Variants in GPI observed in about 807,000 individuals in gnomAD.
GPI encodes glucose-6-phosphate isomerase.
A neutral mutation model predicts 75.8 loss-of-function variants in GPI; 56 were observed. The observed-to-expected ratio is 0.74, with a 90% confidence interval of 0.60 to 0.92. The LOEUF is 0.92. Among genes scored for constraint, GPI ranks in the 40% least tolerant of loss-of-function variants. The pLI is 0.00. For missense variants in GPI, 638 were observed against 741.0 expected, an observed-to-expected ratio of 0.86 and a Z score of 1.61; for synonymous variants, 288 against 285.4, an observed-to-expected ratio of 1.01 and a Z score of -0.09.
At chr19:34,375,048 T>C (rs1224972812) in intron 4 of GPI, among the ~76,000 whole-genome samples, 1 of 152,114 alleles carries the variant, frequency 6.6e-6, no homozygotes, top group Non-Finnish European at 1.5e-5. Flanking sequence ...TAGGTTTTTA[T>C]TATGACCACA....
chr19:34,365,750 G>A (rs1291963680), intron 1 of GPI: 2 of 493,274 alleles, frequency 4.1e-6, no homozygotes, highest in Middle Eastern at 3.0e-4. Flanking sequence ...GGAAAGGGCT[G>A]TCCCTTTCCA....
At chr19:34,396,708 C>A in intron 14 of GPI, 51 bp downstream of exon 14, 1 of 1,450,030 alleles carries the variant, frequency 6.9e-7, no homozygotes, top group Admixed American at 1.7e-5. Context: ...ACATTGCACC[C>A]AGACCTCTGA....
chr19:34,366,053 G>A (rs201455684), intron 1 of GPI: 148 of 632,766 alleles, frequency 2.3e-4, no homozygotes, highest in Middle Eastern at 9.9e-4. Context: ...AGTAACTTAC[G>A]GCAGAAAGTG....
At position 34,368,591 on chromosome 19, in the gene GPI, C is replaced by T. The variant is rs758597177; in HGVS notation, c.291C>T (p.Ala97=). The T allele has an allele frequency of 2.5e-5, 40 of 1,614,054 alleles. No homozygotes were observed. Among genetic ancestry groups the T allele is most frequent in the Admixed American group, 3.3e-5 (2 of 59,990 alleles). ...CTGACCGTAATCCCCAGGGTCGAGC[C>T]GTGCTGCACGTGGCTCTGCGGAACC... is the stretch of plus-strand genomic sequence containing the variant. ...GEKINYTEGR[A]VLHVALRNRS... is the part of the protein sequence containing the mutation. The change falls in exon 4 of 18, where the codon GCC becomes GCT. Residue 97 remains alanine, a synonymous_variant. Transcript: ENST00000356487.
At chr19:34,385,360 C>CAAAAAAAA (rs58133757) in intron 9 of GPI, among the ~76,000 whole-genome samples, 23 of 95,110 alleles carry the variant, frequency 2.4e-4, no homozygotes, top group East Asian at 5.7e-4. Flanking sequence ...AAACAAAAAA[C>CAAAAAAAA]AAAAAAAAAA....
chr19:34,380,501 C>T (rs1197907198), intron 8 of GPI, among the ~76,000 whole-genome samples: 4 of 152,116 alleles, frequency 2.6e-5, no homozygotes, highest in Admixed American at 1.3e-4. Flanking sequence ...AGGCTGGTCT[C>T]GAATTCTTGA....
chr19:34,399,449 T>C, intron 15 of GPI, 107 bp from the exon 16 acceptor site: 3 of 1,562,502 alleles, frequency 1.9e-6, no homozygotes, highest in Non-Finnish European at 2.6e-6. Context: ...TGGGAGGGCC[T>C]GTCCTCACAG....
chr19:34,385,054 C>T (rs1023338113), intron 9 of GPI, among the ~76,000 whole-genome samples: 1 of 138,254 alleles, frequency 7.2e-6, no homozygotes, highest in Non-Finnish European at 1.6e-5. Flanking sequence ...AAAAAAAAAG[C>T]GGGGGTTGGG....
At chr19:34,383,444 G>A (rs753801854) in intron 9 of GPI, among the ~76,000 whole-genome samples, 5 of 152,178 alleles carry the variant, frequency 3.3e-5, no homozygotes, top group African/African-American at 1.2e-4. Context: ...AGGTGTGCAC[G>A]CTGGGATCTC....
At chr19:34,376,581 G>T (rs559091750) in intron 4 of GPI, among the ~76,000 whole-genome samples, 1 of 142,710 alleles carries the variant, frequency 7.0e-6, no homozygotes, top group Non-Finnish European at 1.5e-5. Context: ...AAAAAAAAAA[G>T]GCTAAAGCAG....
upstream of GPI, chr19:34,363,455 G>A (rs1295871116): frequency 6.6e-6 from 1 of 152,296 alleles, no homozygotes; most frequent in Non-Finnish European, 1.5e-5. Context: ...TGAAACAGAG[G>A]ATTTGGGGTG....
intron 15 of GPI, 45 bp from the exon 16 acceptor site, chr19:34,399,510 TA>T (rs1218354471): frequency 4.4e-6 from 7 of 1,590,970 alleles, no homozygotes; most frequent in Non-Finnish European, 6.0e-6. Flanking sequence ...TCAAGGGGTT[TA>T]GGGATCAGGA....
chr19:34,387,863 G>T (rs2074761148), intron 9 of GPI, among the ~76,000 whole-genome samples: 1 of 152,172 alleles, frequency 6.6e-6, no homozygotes, highest in Admixed American at 6.5e-5. Context: ...TAATGGTGAG[G>T]CTGGCCAGGC....
At chr19:34,381,171 A>G (rs1599832247) in intron 8 of GPI, 2 of 493,260 alleles carry the variant, frequency 4.1e-6, no homozygotes, top group Non-Finnish European at 3.7e-6. Flanking sequence ...GCTGTTGCAG[A>G]GCAGTGTGTG....
At chr19:34,367,831 T>C (rs1237001533) in intron 3 of GPI, among the ~76,000 whole-genome samples, 1 of 152,246 alleles carries the variant, frequency 6.6e-6, no homozygotes, top group South Asian at 2.1e-4. Flanking sequence ...CTGAGGACAC[T>C]GCCTAAAACG....
Position 34,393,937 on chromosome 19 carries a change from C to G in GPI, c.933C>G (p.Pro311=). Residue 311 remains proline (P), a synonymous_variant, in exon 12 of 18, where the codon CCC becomes CCG. Transcript: ENST00000356487. This position sits in a 1 kb window ranked among gnomAD's most constrained non-coding sequence, Gnocchi z 4.4. ...AGGACCAGCACTTCCGCACGACGCCCCTGGAGAAGAACGCCCCCGTCTTGC... is the reference window on the plus strand; with the variant it reads ...AGGACCAGCACTTCCGCACGACGCCGCTGGAGAAGAACGCCCCCGTCTTGC... ...HWMDQHFRTT[P]LEKNAPVLLA... 2 of 1,613,862 alleles carry G rather than the reference C, an allele frequency of 1.2e-6. No individual in the cohort carries two copies.
At chr19:34,365,499 C>T in intron 1 of GPI, 111 bp downstream of exon 1, 1 of 1,474,912 alleles carries the variant, frequency 6.8e-7, no homozygotes, top group Non-Finnish European at 9.1e-7. Context: ...AGTCCCCGAC[C>T]TCCAGGCCAC....
rs746636597 is a variant in GPI at position 34,374,356 on chromosome 19, A to T, written c.403-3147A>T. 2.0e-5 allele frequency among the ~76,000 whole-genome samples: 3 copies of T among 152,126 alleles called. No homozygotes were observed. The South Asian group carries it at 6.2e-4, about 32-fold the overall frequency. On this transcript the variant is annotated intron_variant, in intron 4 of 17. Transcript: ENST00000356487. ...GGTCATCATGGGAAGGGACTGCATC[A>T]GTGGGTTAATGCCAGGAGACAAGGA...
At position 34,366,476 on chromosome 19, in the gene GPI, AGTGGTGGGTGAG is replaced by A. The variant is rs763215357; in HGVS notation, c.213+42_213+53del. ...GGGAGGCATAACTGGTAACCGACAG[AGTGGTGGGTGAG>A]CTGGGCTCCTGGGAGTCCCCAGGAC... On this transcript the variant is annotated intron_variant, in intron 2 of 17. Coordinates refer to ENST00000356487, the MANE Select transcript of GPI (RefSeq NM_000175.5). The A allele has an allele frequency of 5.0e-6, 7 of 1,401,622 alleles. 1 individual carries two copies. Among genetic ancestry groups the A allele is most frequent in the Middle Eastern group, 1.8e-4 (1 of 5,684 alleles). The allele number at this position is 1,401,622 out of a possible 1,614,324, so 86.8% of individuals were successfully genotyped here. A position where few individuals can be genotyped will look rare whatever the true frequency, so the allele number is the denominator to read the frequency against.
Sources: allele counts gnomAD v4.1 joint callset (sites outside exome capture counted in the v4.1 genomes callset), GRCh38; gene constraint gnomAD v4.1.1; non-coding constraint Gnocchi (gnomAD v3.1); transcripts MANE v1.5; gene names NCBI Gene and HGNC (gene_info 2026-07-23, HGNC 2026-07-21).